Variants in IL1RAPL1 observed in about 807,000 individuals in gnomAD.
The protein encoded by IL1RAPL1 is interleukin 1 receptor accessory protein like 1.
IL1RAPL1 carries 3 observed loss-of-function variants against 48.4 expected under a neutral mutation model. The ratio of observed to expected loss-of-function variants is 0.06; its 90% CI spans 0.03 to 0.16. IL1RAPL1 has a LOEUF of 0.16. Ranked by LOEUF, IL1RAPL1 falls within the 10% of genes least tolerant of loss-of-function variation. The probability of loss-of-function intolerance (pLI) is 1.00; values close to 1 mark genes in which losing one functional copy is unlikely to be tolerated. For synonymous variants in IL1RAPL1, 185 were observed against 187.7 expected (o/e 0.99, Z 0.12); for missense variants, 349 against 530.6 (o/e 0.66, Z 3.36).
chrX:29,269,855 C>G (rs750202749), intron 2 of IL1RAPL1, among the ~76,000 whole-genome samples: 19 of 111,181 alleles, frequency 1.7e-4, no homozygotes, highest in African/African-American at 6.2e-4. Context: ...AAACTATCAT[C>G]ACCACAATCA....
At chrX:29,802,196 G>C (rs188500313) in intron 6 of IL1RAPL1, among the ~76,000 whole-genome samples, 4 of 111,871 alleles carry the variant, frequency 3.6e-5, no homozygotes, top group African/African-American at 1.3e-4. Context: ...GGAGCGTTCG[G>C]TAGCTAGCCT....
chrX:29,469,300 C>G (rs1934896962), intron 5 of IL1RAPL1, among the ~76,000 whole-genome samples: 1 of 111,978 alleles, frequency 8.9e-6, no homozygotes, highest in South Asian at 3.7e-4. Context: ...GCTGCATCAT[C>G]AATTTGACTT....
chrX:29,241,519 G>A (rs1186085351), intron 2 of IL1RAPL1, among the ~76,000 whole-genome samples: 6 of 111,477 alleles, frequency 5.4e-5, no homozygotes. Flanking sequence ...AACATCATCT[G>A]TGGTGGCTCC....
intron 6 of IL1RAPL1, among the ~76,000 whole-genome samples, chrX:29,912,089 A>G (rs754483861): frequency 4.5e-5 from 5 of 111,967 alleles, no homozygotes; most frequent in African/African-American, 1.6e-4. Flanking sequence ...TTGTATTTCT[A>G]TAATTTAATT....
intron 2 of IL1RAPL1, among the ~76,000 whole-genome samples, chrX:28,981,204 C>G (rs1925332673): frequency 9.4e-6 from 1 of 106,756 alleles, no homozygotes. Flanking sequence ...TTTTAATGGC[C>G]TGCCTTGATA....
At chrX:28,898,828 C>T (rs1923000351) in intron 2 of IL1RAPL1, among the ~76,000 whole-genome samples, 4 of 109,224 alleles carry the variant, frequency 3.7e-5, no homozygotes, top group Admixed American at 9.9e-5. Context: ...TTGAGACTGT[C>T]GCCCAGGCTA....
intron 2 of IL1RAPL1, among the ~76,000 whole-genome samples, chrX:28,938,203 T>G (rs1924067691): frequency 9.0e-6 from 1 of 111,525 alleles, no homozygotes; most frequent in Admixed American, 9.5e-5. Context: ...AGAGTCCAAA[T>G]AGCCAAGACA....
chrX:28,659,447 G>A, intron 1 of IL1RAPL1: 1 of 524,281 alleles, frequency 1.9e-6, no homozygotes, highest in South Asian at 2.5e-5. Flanking sequence ...CGATTTGCGG[G>A]AAGTCAGCTT....
chrX:28,736,006 T>A (rs934704625), intron 1 of IL1RAPL1, among the ~76,000 whole-genome samples: 1 of 111,571 alleles, frequency 9.0e-6, no homozygotes, highest in Non-Finnish European at 1.9e-5. Flanking sequence ...TGAAATAATA[T>A]GTCCTTTTAT....
At chrX:29,096,859 G>A (rs1928227008) in intron 2 of IL1RAPL1, among the ~76,000 whole-genome samples, 1 of 110,557 alleles carries the variant, frequency 9.0e-6, no homozygotes, top group South Asian at 3.8e-4. Context: ...GAATTGTTGG[G>A]AATCATTCAG....
chrX:28,828,100 C>T (rs1937011857), intron 2 of IL1RAPL1, among the ~76,000 whole-genome samples: 2 of 111,382 alleles, frequency 1.8e-5, no homozygotes, highest in African/African-American at 3.3e-5. Context: ...GTTTCATTGT[C>T]GTAAATTGAA....
At chrX:29,396,155 A>G (rs1427379890) in intron 3 of IL1RAPL1, 103 bp from the exon 4 acceptor site, 1 of 621,770 alleles carries the variant, frequency 1.6e-6, no homozygotes, top group Non-Finnish European at 2.6e-6. Flanking sequence ...TTAGTTAAAC[A>G]GTGAAGTTTT....
In IL1RAPL1 at chrX:29,309,093, C is replaced by T. The variant is rs1221347445; in HGVS notation, c.362+25876C>T. Among the ~76,000 whole-genome samples the T allele has an allele frequency of 3.6e-5, 4 of 112,420 alleles. No homozygotes were observed. In the Admixed American group the frequency reaches 3.8e-4, roughly 11 times the overall value. Reference sequence around the variant, plus strand: ...TAAGTCAATATTGTATCTAACTTTGCAATCTTATTCTATCTCTTTTAGTCA... The same window carrying T: ...TAAGTCAATATTGTATCTAACTTTGTAATCTTATTCTATCTCTTTTAGTCA... On this transcript the variant is annotated intron_variant, in intron 3 of 10. Transcript: ENST00000378993.
intron 2 of IL1RAPL1, among the ~76,000 whole-genome samples, chrX:28,980,680 G>T (rs751904709): frequency 9.0e-6 from 1 of 110,891 alleles, no homozygotes; most frequent in South Asian, 3.8e-4. Context: ...TGCATATATG[G>T]GTCACCTGGC....
intron 1 of IL1RAPL1, among the ~76,000 whole-genome samples, chrX:28,671,531 G>A (rs1199774072): frequency 8.9e-6 from 1 of 111,848 alleles, no homozygotes; most frequent in East Asian, 2.8e-4. Context: ...ATTCAGGAGC[G>A]CTGTATGGAC....
intron 2 of IL1RAPL1, among the ~76,000 whole-genome samples, chrX:28,814,252 G>A (rs1230024112): frequency 9.1e-6 from 1 of 109,561 alleles, no homozygotes; most frequent in African/African-American, 3.3e-5. Context: ...AAATGCCACA[G>A]ACTCCCACTA....
intron 5 of IL1RAPL1, among the ~76,000 whole-genome samples, chrX:29,627,716 G>T (rs770701723): frequency 2.7e-5 from 3 of 111,172 alleles, no homozygotes; most frequent in African/African-American, 6.6e-5. Flanking sequence ...TTCAGCAAAG[G>T]CATACAAGCC....
In IL1RAPL1 at chrX:29,319,575, T is replaced by TATCTATCC. The variant is rs1404287721; in HGVS notation, c.362+36361_362+36362insTATCCATC. Among the ~76,000 whole-genome samples the TATCTATCC allele has an allele frequency of 1.8e-3, 195 of 106,797 alleles. 1 individual carries two copies. The highest frequency in any genetic ancestry group is 3.4e-3 in the Non-Finnish European group (179 of 51,917). 92.7% of individuals were successfully genotyped at this position (106,797 alleles called of 115,157 possible). The stretch of plus-strand genomic sequence containing the variant: ...GTATGTATGTATCTATCTATCTATC[T>TATCTATCC]ATCCATCCATCGATCTAAAAATTTA... On this transcript the variant is annotated intron_variant, in intron 3 of 10. Transcript: ENST00000378993.
intron 2 of IL1RAPL1, among the ~76,000 whole-genome samples, chrX:28,866,824 G>A (rs1463840200): frequency 8.9e-6 from 1 of 111,847 alleles, no homozygotes; most frequent in African/African-American, 3.3e-5. Context: ...AGAGTTATAT[G>A]TTATACAGTA....
Sources: allele counts gnomAD v4.1 joint callset (sites outside exome capture counted in the v4.1 genomes callset), GRCh38; gene constraint gnomAD v4.1.1; transcripts MANE v1.5; gene names NCBI Gene and HGNC (gene_info 2026-07-23, HGNC 2026-07-21).